Variants in STPG1 observed in about 807,000 individuals in gnomAD.
STPG1 encodes O(6)-methylguanine-induced apoptosis 2.
STPG1 carries 33 observed loss-of-function variants against 40.1 expected under a neutral mutation model. The ratio of observed to expected loss-of-function variants is 0.82; its 90% CI spans 0.62 to 1.10. STPG1 has a LOEUF of 1.10. Among genes scored for constraint, STPG1 ranks in the 50% least tolerant of loss-of-function variants. The probability of loss-of-function intolerance (pLI) is 0.00; values close to 1 mark genes in which losing one functional copy is unlikely to be tolerated. For synonymous variants in STPG1, 150 were observed against 155.0 expected (o/e 0.97, Z 0.24); for missense variants, 396 against 415.1 (o/e 0.95, Z 0.40).
At chr1:24,384,072 A>T in intron 3 of STPG1, 69 bp from the exon 4 acceptor site, 1 of 955,300 alleles carries the variant, frequency 1.0e-6, no homozygotes, top group South Asian at 1.3e-5. Flanking sequence ...CAGGCTTTAC[A>T]TCCATTAACA....
intron 6 of STPG1, among the ~76,000 whole-genome samples, chr1:24,370,403 C>T (rs1370992980): frequency 6.6e-6 from 1 of 150,844 alleles, no homozygotes; most frequent in Non-Finnish European, 1.5e-5. Context: ...CTCACTGTAG[C>T]CTTGACCTGC....
At position 24,396,299 on chromosome 1, in the gene STPG1, C is replaced by CTATCTATCTATCATCT. The variant is rs58386447; in HGVS notation, c.71-4621_71-4620insAGATGATAGATAGATA. 4.0e-3 allele frequency among the ~76,000 whole-genome samples: 572 copies of CTATCTATCTATCATCT among 144,432 alleles called. 2 individuals carry two copies. The highest frequency in any genetic ancestry group is 0.013 in the African/African-American group (472 of 35,032). The allele number at this position is 144,432 out of a possible 152,430, so 94.8% of individuals were successfully genotyped here. A position where few individuals can be genotyped will look rare whatever the true frequency, so the allele number is the denominator to read the frequency against. ...TCTATCTATCTATCTATCTATCTATCATCTATCTATCTTATTGATCTATAT... is the reference window on the plus strand; with the variant it reads ...TCTATCTATCTATCTATCTATCTATCTATCTATCTATCATCTATCTATCTATCTTATTGATCTATAT... On this transcript the variant is annotated intron_variant, in intron 2 of 8. Transcript: ENST00000337248.
Position 24,360,890 on chromosome 1 carries a change from A to G in STPG1, c.889T>C (p.Trp297Arg), listed in dbSNP as rs1271722526. The change falls in exon 8 of 9, where the codon TGG (tryptophan) becomes CGG (arginine). Residue 297 changes from tryptophan to arginine, a missense_variant. Physicochemically the swap from Trp to Arg is moderately radical, Grantham distance 101. Coordinates refer to ENST00000337248, the MANE Select transcript of STPG1 (RefSeq NM_001199013.2). ...CCTGGCTGAGGCGGCGCCGCTGTCC[A>G]CCGGCTGGTATTGGACACGAATGAT... ...SASFVSNTSR[W>R]TAAPPQPGLP... 2 of 1,613,594 alleles carry G rather than the reference A, an allele frequency of 1.2e-6. No individual in the cohort carries two copies. The highest frequency in any genetic ancestry group is 2.2e-5 in the East Asian group (1 of 44,866).
intron 2 of STPG1, among the ~76,000 whole-genome samples, chr1:24,398,977 C>G (rs933066342): frequency 6.6e-6 from 1 of 151,954 alleles, no homozygotes; most frequent in Non-Finnish European, 1.5e-5. Flanking sequence ...CATTAATAAG[C>G]TGATTGTAAA....
intron 1 of STPG1, among the ~76,000 whole-genome samples, chr1:24,404,668 TTTTCA>T (rs939113099): frequency 6.6e-6 from 1 of 152,234 alleles, no homozygotes; most frequent in African/African-American, 2.4e-5. Context: ...TAAGAAATTT[TTTTCA>T]TTTCATCTAT....
chr1:24,392,478 A>G (rs887105705), intron 2 of STPG1, among the ~76,000 whole-genome samples: 5 of 152,198 alleles, frequency 3.3e-5, no homozygotes, highest in Non-Finnish European at 2.9e-5. Flanking sequence ...CCACTGGGCA[A>G]GCGGATGAGA....
In STPG1 at chr1:24,379,779, A is replaced by G. The variant is rs1064842; in HGVS notation, c.336T>C (p.Asn112=). 0.36 allele frequency: 582,108 copies of G among 1,611,810 alleles called. 107,286 individuals carry two copies. Among genetic ancestry groups the G allele is most frequent in the African/African-American group, 0.5 (37,344 of 74,880 alleles). The part of the protein sequence containing the change: ...DTIISKYPAA[N]AYTIPSDFIS... ...TAAAATCCGATGGGATAGTGTATGC[A>G]TTCGCTGCAGGGTATTTAGAAATGA... The change falls in exon 5 of 9, where the codon AAT becomes AAC. Residue 112 remains asparagine (N), a synonymous_variant. Coordinates refer to ENST00000337248, the MANE Select transcript of STPG1 (RefSeq NM_001199013.2).
chr1:24,379,390 A>G, intron 5 of STPG1: 1 of 426,490 alleles, frequency 2.3e-6, no homozygotes, highest in Non-Finnish European at 4.2e-6. Context: ...TTACAGGACA[A>G]GAGTAATTAG....
chr1:24,369,492 T>C, intron 7 of STPG1, 182 bp downstream of exon 7: 1 of 705,862 alleles, frequency 1.4e-6, no homozygotes, highest in Non-Finnish European at 2.6e-6. Context: ...CAGTGGTTGC[T>C]CAATAAGTAT....
At chr1:24,384,504 C>T (rs1161239472) in intron 3 of STPG1, among the ~76,000 whole-genome samples, 1 of 152,160 alleles carries the variant, frequency 6.6e-6, no homozygotes, top group Non-Finnish European at 1.5e-5. Context: ...AACCTTCAAC[C>T]CAAACCAGGC....
At chr1:24,370,742 C>T (rs1301688574) in intron 6 of STPG1, among the ~76,000 whole-genome samples, 1 of 151,690 alleles carries the variant, frequency 6.6e-6, no homozygotes, top group Non-Finnish European at 1.5e-5. Flanking sequence ...CCGCCTGCCT[C>T]GGCCTCCCAA....
At chr1:24,384,051 G>A in intron 3 of STPG1, 48 bp from the exon 4 acceptor site, 1 of 1,210,232 alleles carries the variant, frequency 8.3e-7, no homozygotes, top group Non-Finnish European at 1.2e-6. Flanking sequence ...CAATTCCATT[G>A]TGCTTTTCCA....
chr1:24,370,789 C>CTT lies in STPG1; in HGVS notation c.572-952_572-951dup, dbSNP rs34898446. On this transcript the variant is annotated intron_variant, in intron 6 of 8. Coordinates refer to ENST00000337248, the MANE Select transcript of STPG1 (RefSeq NM_001199013.2). ...TATAGGCGTGAGCCACTGTGCCCAG[C>CTT]TTTTTTTTTTTTGTAGAAATGAGGC... 7.6e-4 allele frequency among the ~76,000 whole-genome samples: 112 copies of CTT among 147,156 alleles called. 1 individual carries two copies. Among genetic ancestry groups the CTT allele is most frequent in the East Asian group, 2.2e-3 (11 of 5,042 alleles).
intron 1 of STPG1, among the ~76,000 whole-genome samples, chr1:24,407,909 T>C (rs1240389014): frequency 2.6e-5 from 4 of 152,244 alleles, no homozygotes; most frequent in African/African-American, 9.6e-5. Context: ...ATTTGTAAGA[T>C]TCATAGTAGC....
chr1:24,396,034 T>A (rs1049068181), intron 2 of STPG1, among the ~76,000 whole-genome samples: 1 of 152,098 alleles, frequency 6.6e-6, no homozygotes, highest in South Asian at 2.1e-4. Flanking sequence ...TTGTAGGGTT[T>A]ATACCATATG....
chr1:24,392,244 A>G (rs546238085), intron 2 of STPG1, among the ~76,000 whole-genome samples: 13 of 152,374 alleles, frequency 8.5e-5, no homozygotes, highest in African/African-American at 2.4e-5. Flanking sequence ...AACTGAAGTT[A>G]AAAGTTCCTT....
At chr1:24,413,063 A>G (rs2148722308) in intron 1 of STPG1, among the ~76,000 whole-genome samples, 1 of 152,290 alleles carries the variant, frequency 6.6e-6, no homozygotes, top group South Asian at 2.1e-4. Flanking sequence ...GGCGATTTTT[A>G]TCTACTCAGT....
At chr1:24,408,932 C>A (rs897214307) in intron 1 of STPG1, among the ~76,000 whole-genome samples, 2 of 152,098 alleles carry the variant, frequency 1.3e-5, no homozygotes, top group African/African-American at 4.8e-5. Flanking sequence ...GGTGGACAAT[C>A]TATACTAAAA....
chr1:24,361,153 G>C lies in STPG1; in HGVS notation c.738-112C>G. On this transcript the variant is annotated intron_variant, in intron 7 of 8. Transcript: ENST00000337248. ...CAGCAAGCTGTCTGGAAGAGGACTG[G>C]TCACGGCACTGGGGCAGAGCCCTAG... 16 of 1,028,070 alleles carry C rather than the reference G, an allele frequency of 1.6e-5. No homozygotes were observed. In the South Asian group the frequency reaches 2.1e-4, roughly 14 times the overall value. The allele number at this position is 1,028,070 out of a possible 1,614,324, so 63.7% of individuals were successfully genotyped here.
Sources: allele counts gnomAD v4.1 joint callset (sites outside exome capture counted in the v4.1 genomes callset), GRCh38; gene constraint gnomAD v4.1.1; transcripts MANE v1.5; gene names NCBI Gene and HGNC (gene_info 2026-07-23, HGNC 2026-07-21).